The following EFL1 variants were observed in gnomAD, a reference collection of about 807,000 sequenced individuals.
EFL1 encodes elongation factor like GTPase 1, also known as elongation factor-like GTPase 1.
Under a neutral mutation model 126.7 loss-of-function variants are expected in EFL1, and 76 were observed. That is an observed-to-expected ratio of 0.60 (90% CI 0.50 to 0.73). EFL1 has a LOEUF of 0.73. EFL1 is among the 30% of genes least tolerant of loss of function. The pLI, the probability that EFL1 is intolerant of heterozygous loss-of-function variation, is 0.00. For synonymous variants in EFL1, 410 were observed against 448.4 expected (o/e 0.91, Z 1.08); for missense variants, 1,128 against 1,343.2 (o/e 0.84, Z 2.50).
chr15:82,238,181 A>C (rs2074893616), intron 7 of EFL1, 126 bp downstream of exon 7: 4 of 1,020,776 alleles, frequency 3.9e-6, no homozygotes. Context: ...GCACCAGAGA[A>C]CTCTCTGCAT....
At chr15:82,189,460 C>A (rs1373625757) in intron 15 of EFL1, among the ~76,000 whole-genome samples, 1 of 152,130 alleles carries the variant, frequency 6.6e-6, no homozygotes, top group East Asian at 1.9e-4. Context: ...AATTCTGCAG[C>A]CAAGAAGAGA....
intron 15 of EFL1, among the ~76,000 whole-genome samples, chr15:82,194,090 A>G (rs548830860): frequency 6.6e-6 from 1 of 152,318 alleles, no homozygotes; most frequent in South Asian, 2.1e-4. Flanking sequence ...CTCACTTGGG[A>G]GTCCCTAGGT....
At chr15:82,239,314 T>C (rs1193781099) in intron 6 of EFL1, among the ~76,000 whole-genome samples, 2 of 152,092 alleles carry the variant, frequency 1.3e-5, no homozygotes, top group Non-Finnish European at 2.9e-5. Flanking sequence ...TTTTTTGTAT[T>C]TTTAGTAGAG....
At chr15:82,130,736 C>G (rs1038978687) in intron 19 of EFL1, among the ~76,000 whole-genome samples, 175 bp from the exon 20 acceptor site, 4 of 152,190 alleles carry the variant, frequency 2.6e-5, no homozygotes, top group African/African-American at 9.7e-5. Flanking sequence ...TGGTGGCTCA[C>G]GCCTATAGTC....
chr15:82,179,467 T>C (rs1277981551), intron 15 of EFL1, among the ~76,000 whole-genome samples: 2 of 152,122 alleles, frequency 1.3e-5, no homozygotes, highest in Non-Finnish European at 2.9e-5. Context: ...ACTTTACTAA[T>C]GAGGAATCTG....
At chr15:82,178,377 C>T (rs2074216154) in intron 15 of EFL1, among the ~76,000 whole-genome samples, 2 of 152,154 alleles carry the variant, frequency 1.3e-5, no homozygotes, top group African/African-American at 4.8e-5. Context: ...TCCTCATGGG[C>T]CCACGAGCTC....
chr15:82,131,508 A>G (rs891582404), intron 19 of EFL1, among the ~76,000 whole-genome samples: 1 of 152,128 alleles, frequency 6.6e-6, no homozygotes, highest in African/African-American at 2.4e-5. Context: ...TGTGAATGGG[A>G]AAAATGCAGC....
intron 16 of EFL1, among the ~76,000 whole-genome samples, chr15:82,161,682 T>A (rs1296332743): frequency 6.6e-6 from 1 of 152,212 alleles, no homozygotes; most frequent in Non-Finnish European, 1.5e-5. Flanking sequence ...TTTACAAAGT[T>A]CAGATAAATT....
At chr15:82,134,309 T>C (rs1461732814) in intron 19 of EFL1, among the ~76,000 whole-genome samples, 2 of 152,088 alleles carry the variant, frequency 1.3e-5, no homozygotes, top group East Asian at 3.9e-4. Flanking sequence ...CAGCTTGTGC[T>C]CTACAGAAAG....
chr15:82,241,245 G>A, intron 5 of EFL1, 25 bp downstream of exon 5: 1 of 1,613,040 alleles, frequency 6.2e-7, no homozygotes, highest in Non-Finnish European at 8.5e-7. Context: ...AACCATTTAA[G>A]TATTTTCTCA....
At position 82,262,609 on chromosome 15, in the gene EFL1, C is replaced by G; in HGVS notation, c.-20+5G>C. On this transcript the variant is annotated splice_donor_5th_base_variant and intron_variant, in intron 1 of 19. Coordinates refer to ENST00000268206, the MANE Select transcript of EFL1 (RefSeq NM_024580.6). ...TTCCAGCCCCCAGCGCCAGCCCACACTCACCGGCTGCAGCAGCCCCACCAG... is the reference window on the plus strand; with the variant it reads ...TTCCAGCCCCCAGCGCCAGCCCACAGTCACCGGCTGCAGCAGCCCCACCAG... The G allele has an allele frequency of 2.5e-6, 1 of 400,154 alleles. No individual in the cohort carries two copies. The highest frequency in any genetic ancestry group is 4.5e-6 in the Non-Finnish European group (1 of 223,400). The allele number at this position is 400,154 out of a possible 1,614,324, so 24.8% of individuals were successfully genotyped here. A position where few individuals can be genotyped will look rare whatever the true frequency, so the allele number is the denominator to read the frequency against.
chr15:82,180,375 AAAAAAAAAC>A, intron 15 of EFL1, among the ~76,000 whole-genome samples: 2 of 88,306 alleles, frequency 2.3e-5, no homozygotes, highest in Non-Finnish European at 5.1e-5. Context: ...AAAAAAAACA[AAAAAAAAAC>A]AAACAAAAAA....
intron 15 of EFL1, among the ~76,000 whole-genome samples, chr15:82,192,349 G>A (rs1432297826): frequency 2.0e-5 from 3 of 149,240 alleles, no homozygotes; most frequent in Non-Finnish European, 4.4e-5. Context: ...GCAGTGAGCC[G>A]AGATCGCCCC....
intron 18 of EFL1, among the ~76,000 whole-genome samples, chr15:82,142,832 C>T (rs2073803666): frequency 6.6e-6 from 1 of 152,160 alleles, no homozygotes; most frequent in African/African-American, 2.4e-5. Flanking sequence ...ACCTAGAATA[C>T]TCTTAGTCCA....
chr15:82,181,320 A>T (rs8041924), intron 15 of EFL1, among the ~76,000 whole-genome samples: 101,217 of 152,102 alleles, frequency 0.67, 35,433 homozygotes, highest in African/African-American at 0.89. Context: ...GGAAAATAAT[A>T]TTTAAAGCTT....
intron 18 of EFL1, among the ~76,000 whole-genome samples, chr15:82,144,224 C>A (rs530162369): frequency 1.3e-5 from 2 of 150,648 alleles, no homozygotes; most frequent in African/African-American, 4.9e-5. Flanking sequence ...CCACTGTACT[C>A]CAGCCTGGGT....
intron 3 of EFL1, among the ~76,000 whole-genome samples, chr15:82,253,466 C>A (rs887596544): frequency 1.3e-5 from 2 of 151,904 alleles, no homozygotes; most frequent in African/African-American, 4.8e-5. Context: ...ATACTGCATA[C>A]CCTCCCCAGA....
chr15:82,213,622 A>T (rs1013637537), intron 15 of EFL1, among the ~76,000 whole-genome samples: 3 of 152,222 alleles, frequency 2.0e-5, no homozygotes, highest in Non-Finnish European at 4.4e-5. Context: ...TCCCTTGAGC[A>T]TCATGCTGGA....
intron 19 of EFL1, among the ~76,000 whole-genome samples, chr15:82,132,614 T>C (rs959632558): frequency 3.0e-5 from 4 of 134,480 alleles, no homozygotes; most frequent in South Asian, 2.3e-4. Flanking sequence ...CTAAGGAGCG[T>C]CTCGAAGTGG....
Sources: allele counts gnomAD v4.1 joint callset (sites outside exome capture counted in the v4.1 genomes callset), GRCh38; gene constraint gnomAD v4.1.1; transcripts MANE v1.5; gene names NCBI Gene and HGNC (gene_info 2026-07-23, HGNC 2026-07-21).